Variants in KCNMA1 observed in about 807,000 individuals in gnomAD.
KCNMA1 encodes the protein potassium calcium-activated channel subfamily M alpha 1.
Under a neutral mutation model 140.0 loss-of-function variants are expected in KCNMA1, and 29 were observed. The ratio of observed to expected loss-of-function variants is 0.21; its 90% CI spans 0.15 to 0.28. KCNMA1 has a LOEUF of 0.28. Among genes scored for constraint, KCNMA1 ranks in the 10% least tolerant of loss-of-function variants. The pLI, the probability that KCNMA1 is intolerant of heterozygous loss-of-function variation, is 1.00. For missense variants in KCNMA1, 880 were observed against 1,602.2 expected (o/e 0.55, Z 7.70); for synonymous variants, 612 against 611.9 (o/e 1.00, Z 0.00).
At chr10:77,362,650 C>T (rs976763373) in intron 2 of KCNMA1, among the ~76,000 whole-genome samples, 6 of 152,070 alleles carry the variant, frequency 3.9e-5, no homozygotes, top group Middle Eastern at 3.2e-3. Context: ...CAGACCCCGC[C>T]GTCCAGCTCA....
chr10:77,529,097 A>T (rs965335898), intron 1 of KCNMA1, among the ~76,000 whole-genome samples: 11 of 152,186 alleles, frequency 7.2e-5, no homozygotes, highest in African/African-American at 1.7e-4. Context: ...ATAATAATAA[A>T]AAAAAAGAAT....
At chr10:77,244,048 T>C (rs1241681786) in intron 3 of KCNMA1, among the ~76,000 whole-genome samples, 1 of 152,214 alleles carries the variant, frequency 6.6e-6, no homozygotes, top group African/African-American at 2.4e-5. Flanking sequence ...AGAATTGGCA[T>C]AAAAAGACAA....
chr10:77,410,380 G>A (rs2096592078), intron 1 of KCNMA1, among the ~76,000 whole-genome samples: 1 of 152,196 alleles, frequency 6.6e-6, no homozygotes, highest in South Asian at 2.1e-4. Context: ...CCTCAGGCAT[G>A]AGAAGCTGGC....
In KCNMA1 at chr10:77,367,388, A is replaced by C. The variant is rs1264033205; in HGVS notation, c.540+36474T>G. 2.0e-5 allele frequency among the ~76,000 whole-genome samples: 3 copies of C among 152,168 alleles called. No homozygotes were observed. The East Asian group carries it at 5.8e-4, about 29-fold the overall frequency. Reference sequence around the variant, plus strand: ...TTAAAGGTCTCTCAGCGTAGGAATGAAATGAGCTGAATCTGCATGTTACGA... The same window carrying C: ...TTAAAGGTCTCTCAGCGTAGGAATGCAATGAGCTGAATCTGCATGTTACGA... On this transcript the variant is annotated intron_variant, in intron 2 of 27. Coordinates refer to ENST00000286628, the MANE Select transcript of KCNMA1 (RefSeq NM_001161352.2).
At chr10:77,158,326 G>C (rs1422680031) in intron 5 of KCNMA1, among the ~76,000 whole-genome samples, 1 of 152,168 alleles carries the variant, frequency 6.6e-6, no homozygotes, top group Non-Finnish European at 1.5e-5. Context: ...CCTTTAGGTA[G>C]TGAAGGCAAG....
intron 2 of KCNMA1, among the ~76,000 whole-genome samples, chr10:77,273,351 T>C (rs192698696): frequency 3.3e-4 from 50 of 152,244 alleles, no homozygotes; most frequent in Non-Finnish European, 6.2e-4. Flanking sequence ...AACCAATCAT[T>C]TGAAGGGAAA....
At chr10:77,445,064 C>G (rs2097497584) in intron 1 of KCNMA1, among the ~76,000 whole-genome samples, 1 of 152,174 alleles carries the variant, frequency 6.6e-6, no homozygotes, top group East Asian at 1.9e-4. Flanking sequence ...TCACCCCAGA[C>G]AGGGCCAGAA....
intron 5 of KCNMA1, among the ~76,000 whole-genome samples, chr10:77,182,686 C>T (rs2098812653): frequency 6.6e-6 from 1 of 152,178 alleles, no homozygotes; most frequent in Admixed American, 6.5e-5. Context: ...TTCGGCCTGC[C>T]TTCTTCCCTA....
intron 20 of KCNMA1, among the ~76,000 whole-genome samples, chr10:76,966,237 C>A (rs552792062): frequency 6.6e-6 from 1 of 152,202 alleles, no homozygotes; most frequent in Non-Finnish European, 1.5e-5. Context: ...AGTGCACAGA[C>A]TTTTTGGATT....
chr10:77,233,673 T>C (rs905151800), intron 3 of KCNMA1, among the ~76,000 whole-genome samples: 2 of 152,210 alleles, frequency 1.3e-5, no homozygotes, highest in Admixed American at 1.3e-4. Flanking sequence ...GTGCCTATTG[T>C]TTGAAGAATG....
intron 1 of KCNMA1, among the ~76,000 whole-genome samples, chr10:77,425,950 C>T (rs1280971621): frequency 6.6e-6 from 1 of 152,164 alleles, no homozygotes; most frequent in Non-Finnish European, 1.5e-5. Flanking sequence ...CAGAACAGGA[C>T]ACCAACCATC....
intron 2 of KCNMA1, among the ~76,000 whole-genome samples, chr10:77,276,044 A>G (rs2066585947): frequency 6.6e-6 from 1 of 152,138 alleles, no homozygotes; most frequent in Non-Finnish European, 1.5e-5. Flanking sequence ...ACCTCTCCAC[A>G]TTCACAGGGC....
intron 1 of KCNMA1, among the ~76,000 whole-genome samples, chr10:77,523,029 G>T (rs762753261): frequency 7.2e-5 from 11 of 152,176 alleles, no homozygotes; most frequent in Admixed American, 2.6e-4. Flanking sequence ...CCTCCTGAAT[G>T]ACCCTCCATG....
chr10:77,427,759 T>TTATG (rs2097054853), intron 1 of KCNMA1, among the ~76,000 whole-genome samples: 1 of 151,388 alleles, frequency 6.6e-6, no homozygotes, highest in Non-Finnish European at 1.5e-5. Context: ...ATTTATTTAT[T>TTATG]TATTTATTGA....
intron 1 of KCNMA1, among the ~76,000 whole-genome samples, chr10:77,566,633 C>T (rs1349188813): frequency 1.3e-5 from 2 of 152,310 alleles, no homozygotes; most frequent in East Asian, 1.9e-4. Flanking sequence ...ATTCCATTGC[C>T]ATAACTTGGA....
At chr10:77,112,922 C>T (rs893244161) in intron 6 of KCNMA1, among the ~76,000 whole-genome samples, 1 of 151,858 alleles carries the variant, frequency 6.6e-6, no homozygotes, top group African/African-American at 2.4e-5. Flanking sequence ...ACTTTAGCAC[C>T]CAACTCCTAA....
At chr10:77,061,332 A>G (rs572636165) in intron 14 of KCNMA1, among the ~76,000 whole-genome samples, 5 of 152,250 alleles carry the variant, frequency 3.3e-5, no homozygotes, top group Non-Finnish European at 5.9e-5. Context: ...AACAAATTCA[A>G]AGAAACAACT....
chr10:77,385,510 T>A (rs1164868105), intron 2 of KCNMA1, among the ~76,000 whole-genome samples: 1 of 152,250 alleles, frequency 6.6e-6, no homozygotes, highest in Non-Finnish European at 1.5e-5. Context: ...CACTAGTACA[T>A]GGCAGAACAA....
chr10:77,506,226 G>A (rs2045759152), intron 1 of KCNMA1, among the ~76,000 whole-genome samples: 1 of 152,128 alleles, frequency 6.6e-6, no homozygotes. Flanking sequence ...CACCAACAGT[G>A]AGACTCCTCA....
Sources: gnomAD v4.1 joint callset for allele counts (sites outside exome capture counted in the v4.1 genomes callset) on GRCh38, gnomAD v4.1.1 for gene constraint, MANE v1.5 for transcripts, NCBI Gene and HGNC (gene_info 2026-07-23, HGNC 2026-07-21) for gene names.